Variants in RBM4 observed in about 807,000 individuals in gnomAD.
The protein encoded by RBM4 is RNA-binding protein 4.
In RBM4, 7 loss-of-function variants were observed where a neutral mutation model predicts 29.5. That is an observed-to-expected ratio of 0.24 (90% CI 0.14 to 0.45). The LOEUF is 0.45. Among genes scored for constraint, RBM4 ranks in the 20% least tolerant of loss-of-function variants. The pLI, the probability that RBM4 is intolerant of heterozygous loss-of-function variation, is 1.00. For missense variants in RBM4, 387 were observed against 502.3 expected (o/e 0.77, Z 2.19); for synonymous variants, 220 against 205.4 (o/e 1.07, Z -0.61).
At chr11:66,650,648 G>A (rs1938806414), downstream of RBM4, among the ~76,000 whole-genome samples, 3 of 151,626 alleles carry the variant, frequency 2.0e-5, no homozygotes, top group South Asian at 4.2e-4. Flanking sequence ...CGGATCACGA[G>A]GTCAGGAGAT....
intron 3 of RBM4, 184 bp downstream of exon 3, chr11:66,644,324 C>A: frequency 1.2e-6 from 1 of 817,646 alleles, no homozygotes. Flanking sequence ...GTTCCTTGGC[C>A]CTCATGGCTA....
exon 3 of RBM4, chr11:66,667,713 T>G (rs75184787): frequency 6.8e-6 from 1 of 146,386 alleles, no homozygotes; most frequent in Admixed American, 6.7e-5. Flanking sequence ...TTTTTTTTTT[T>G]AAATAAAGGA....
rs190713600 is a variant in RBM4, at chr11:66,663,647, T to A, written c.413-2209T>A. ...CCTGGCCTAATTGTTTTTTAAAAAT[T>A]AAAAAAGGAGAAACACTGGAGAGGG... is the stretch of plus-strand genomic sequence containing the variant. On this transcript the variant is annotated intron_variant, in intron 2 of 2. Transcript: ENST00000396053. 5.1e-4 allele frequency among the ~76,000 whole-genome samples: 77 copies of A among 151,958 alleles called. 1 individual carries two copies. In the East Asian group the frequency reaches 0.012, roughly 24 times the overall value.
downstream of RBM4, chr11:66,646,596 T>C (rs1232380136): frequency 2.0e-6 from 2 of 975,854 alleles, no homozygotes; most frequent in Non-Finnish European, 2.4e-6. Flanking sequence ...ATTTTGTTTA[T>C]TGTAAGTAGG....
At chr11:66,654,269 A>G (rs1490163449) in intron 2 of RBM4, among the ~76,000 whole-genome samples, 3 of 151,742 alleles carry the variant, frequency 2.0e-5, no homozygotes, top group African/African-American at 7.3e-5. Flanking sequence ...AGGCGGGCGG[A>G]TCATGAGGTC....
exon 3 of RBM4, chr11:66,668,158 T>A (rs1939316328): frequency 6.1e-6 from 1 of 164,752 alleles, no homozygotes; most frequent in South Asian, 1.5e-4. Context: ...ATCAGACAGG[T>A]CCAAATTTGA....
exon 3 of RBM4, chr11:66,667,652 T>C (rs560844082): frequency 6.6e-6 from 1 of 151,990 alleles, no homozygotes; most frequent in Non-Finnish European, 1.5e-5. Context: ...GTAGGTATGA[T>C]ATTAGAAGAG....
chr11:66,665,300 G>A (rs1308485399), intron 2 of RBM4: 3 of 470,520 alleles, frequency 6.4e-6, no homozygotes, highest in East Asian at 3.9e-5. Flanking sequence ...AAGATAAGAG[G>A]GGTTCCACTG....
intron 2 of RBM4, among the ~76,000 whole-genome samples, chr11:66,660,494 G>A (rs1254986192): frequency 6.6e-6 from 1 of 151,458 alleles, no homozygotes; most frequent in Admixed American, 6.6e-5. Flanking sequence ...TGGAATTACA[G>A]GCTTCTGCCT....
chr11:66,640,347 G>T (rs539519940), intron 2 of RBM4: 2 of 632,258 alleles, frequency 3.2e-6, no homozygotes, highest in Admixed American at 3.0e-5. Flanking sequence ...TTTATTTGGA[G>T]CCCCTACGGC....
At chr11:66,658,443 C>G (rs1939003032) in intron 2 of RBM4, among the ~76,000 whole-genome samples, 1 of 133,544 alleles carries the variant, frequency 7.5e-6, no homozygotes, top group Non-Finnish European at 1.5e-5. Context: ...TAGGGGGTTT[C>G]TCCCGCCAGG....
At chr11:66,654,214 G>A (rs772248207) in intron 2 of RBM4, among the ~76,000 whole-genome samples, 2 of 151,990 alleles carry the variant, frequency 1.3e-5, no homozygotes, top group Non-Finnish European at 2.9e-5. Context: ...ATTTTTGGCC[G>A]GGCGTGGTGG....
At chr11:66,648,562 C>G (rs768135931), downstream of RBM4, among the ~76,000 whole-genome samples, 20 of 151,986 alleles carry the variant, frequency 1.3e-4, no homozygotes, top group Admixed American at 3.9e-4. Context: ...CACCTGTAAT[C>G]CCAGCACTTT....
downstream of RBM4, among the ~76,000 whole-genome samples, chr11:66,646,970 A>C (rs1938709686): frequency 6.6e-6 from 1 of 152,194 alleles, no homozygotes; most frequent in Admixed American, 6.5e-5. Flanking sequence ...AGCTCTGCCA[A>C]AATCCAAAGA....
At chr11:66,647,434 T>C (rs750572858), downstream of RBM4, among the ~76,000 whole-genome samples, 14 of 152,246 alleles carry the variant, frequency 9.2e-5, no homozygotes, top group Non-Finnish European at 2.1e-4. Context: ...ATTTATTGAA[T>C]ATTTTTGTAC....
exon 3 of RBM4, chr11:66,666,351 G>A (rs772519870): frequency 2.9e-5 from 29 of 1,012,224 alleles, no homozygotes; most frequent in Non-Finnish European, 3.4e-5. Context: ...AAGTTGTGAC[G>A]TTCTTGGATC....
At chr11:66,660,289 A>G (rs1590874045) in intron 2 of RBM4, among the ~76,000 whole-genome samples, 2 of 146,066 alleles carry the variant, frequency 1.4e-5, no homozygotes, top group African/African-American at 2.5e-5. Context: ...CTGCCATTGG[A>G]CCCATTTTGT....
rs574932627 is a variant in RBM4 at position 66,666,910 on chromosome 11, A to AT, written c.*962dup. 4.9e-3 allele frequency: 701 copies of AT among 143,352 alleles called. 8 individuals carry two copies. The highest frequency in any genetic ancestry group is 0.012 in the African/African-American group (472 of 38,920). The allele number at this position is 143,352 out of a possible 1,614,324, so 8.9% of individuals were successfully genotyped here. ...CAAATTGCTGTGGCTTTGCTTTTTA[A>AT]TTTTTTTTTTTTTTTTTAAGAGAGA... On this transcript the variant is annotated 3_prime_UTR_variant, in exon 3 of 3. Coordinates refer to the RBM4 transcript ENST00000396053.
At chr11:66,640,236 G>T in intron 2 of RBM4, 113 bp downstream of exon 2, 1 of 1,403,904 alleles carries the variant, frequency 7.1e-7, no homozygotes, top group South Asian at 1.2e-5. Context: ...GGCTGGTGAT[G>T]AAGAAATAAG....
Sources: gnomAD v4.1 joint callset for allele counts (sites outside exome capture counted in the v4.1 genomes callset) on GRCh38, gnomAD v4.1.1 for gene constraint, MANE v1.5 for transcripts, NCBI Gene and HGNC (gene_info 2026-07-23, HGNC 2026-07-21) for gene names.